SLC7A1: variants seen among roughly 807,000 people sequenced by gnomAD.
The protein encoded by SLC7A1 is solute carrier family 7 member 1, also known as high affinity cationic amino acid transporter 1.
A neutral mutation model predicts 53.9 loss-of-function variants in SLC7A1; 10 were observed. The observed-to-expected ratio is 0.19, with a 90% confidence interval of 0.11 to 0.31. The LOEUF (loss-of-function observed/expected upper bound fraction) is 0.31. Among genes scored for constraint, SLC7A1 ranks in the 10% least tolerant of loss-of-function variants. SLC7A1 has a pLI of 1.00. For synonymous variants in SLC7A1, 342 were observed against 338.7 expected, an observed-to-expected ratio of 1.01 and a Z score of -0.11; for missense variants, 525 against 827.2, an observed-to-expected ratio of 0.63 and a Z score of 4.48.
rs1053485952 is a variant in SLC7A1, at chr13:29,523,205, T to C, written c.1049+61A>G. On this transcript the variant is annotated intron_variant, in intron 7 of 12. Coordinates refer to ENST00000380752, the MANE Select transcript of SLC7A1 (RefSeq NM_003045.5). Reference sequence around the variant, plus strand: ...TCGCATGGCTGTACCTGGCCTGCTATAGCCTAACCCCTGCTGGTGGTTCCA... The same window carrying C: ...TCGCATGGCTGTACCTGGCCTGCTACAGCCTAACCCCTGCTGGTGGTTCCA... The C allele has an allele frequency of 3.1e-5, 43 of 1,408,288 alleles. No individual in the cohort carries two copies. In the South Asian group the frequency reaches 4.4e-4, roughly 14 times the overall value. 87.2% of individuals were successfully genotyped at this position (1,408,288 alleles called of 1,614,324 possible). A position where few individuals can be genotyped will look rare whatever the true frequency, so the allele number is the denominator to read the frequency against.
At chr13:29,590,984 C>T (rs916528990) in intron 1 of SLC7A1, among the ~76,000 whole-genome samples, 2 of 152,034 alleles carry the variant, frequency 1.3e-5, no homozygotes, top group Non-Finnish European at 2.9e-5. Context: ...GTGGTACACA[C>T]CTATGGTTCC....
intron 1 of SLC7A1, among the ~76,000 whole-genome samples, chr13:29,561,177 G>A (rs542845467): frequency 2.6e-5 from 4 of 152,054 alleles, no homozygotes; most frequent in Admixed American, 1.3e-4. Context: ...AACTAAGAAC[G>A]GACCAAACAC....
chr13:29,535,633 C>T (rs2776963), intron 3 of SLC7A1, among the ~76,000 whole-genome samples, 186 bp downstream of exon 3: 112,329 of 151,952 alleles, frequency 0.74, 42,886 homozygotes, highest in Non-Finnish European at 0.85. Flanking sequence ...GATGCATTTA[C>T]TCTAGTAATT....
rs1868521182 is a variant in SLC7A1 at position 29,519,470 on chromosome 13, C to T, written c.1269G>A (p.Val423=). 2 of 1,613,130 alleles carry T rather than the reference C, an allele frequency of 1.2e-6. No individual in the cohort carries two copies. The highest frequency in any genetic ancestry group is 1.7e-6 in the Non-Finnish European group (2 of 1,179,146). The change falls in exon 9 of 13, where the codon GTG becomes GTA. Residue 423 remains valine, a synonymous_variant. Coordinates refer to ENST00000380752, the MANE Select transcript of SLC7A1 (RefSeq NM_003045.5). ...ACCGTAAGACCAACACACAGGCAGC[C>T]ACCAACGAGTAAGCCAGGAGAGTGC... is the stretch of plus-strand genomic sequence containing the variant. ...SIGTLLAYSL[V]AACVLVLRYQ...
chr13:29,576,293 T>TTAAAAAAAAAAAA (rs552407983), intron 1 of SLC7A1, among the ~76,000 whole-genome samples: 1 of 124,966 alleles, frequency 8.0e-6, no homozygotes, highest in African/African-American at 3.7e-5. Context: ...TCCTGTTTTT[T>TTAAAAAAAAAAAA]AAAAAAAAAA....
At chr13:29,573,361 T>A (rs1221780059) in intron 1 of SLC7A1, among the ~76,000 whole-genome samples, 1 of 151,966 alleles carries the variant, frequency 6.6e-6, no homozygotes, top group Non-Finnish European at 1.5e-5. Context: ...GGGAGTGAGA[T>A]CCCTGGGAGA....
chr13:29,535,212 A>G (rs1869350930), intron 3 of SLC7A1, among the ~76,000 whole-genome samples: 1 of 152,272 alleles, frequency 6.6e-6, no homozygotes, highest in East Asian at 1.9e-4. Flanking sequence ...AATGGAAACA[A>G]TCTGAACATC....
At chr13:29,570,364 T>A (rs1427639652) in intron 1 of SLC7A1, among the ~76,000 whole-genome samples, 1 of 152,204 alleles carries the variant, frequency 6.6e-6, no homozygotes, top group African/African-American at 2.4e-5. Flanking sequence ...TGATGAGGAA[T>A]CAGAAGCCCT....
chr13:29,545,268 C>A (rs1327155919), intron 2 of SLC7A1, among the ~76,000 whole-genome samples: 1 of 152,138 alleles, frequency 6.6e-6, no homozygotes, highest in Non-Finnish European at 1.5e-5. Flanking sequence ...CCTCTCCAAG[C>A]CCGTCTCCTC....
At chr13:29,562,540 A>G (rs999543547) in intron 1 of SLC7A1, among the ~76,000 whole-genome samples, 1 of 152,206 alleles carries the variant, frequency 6.6e-6, no homozygotes, top group Admixed American at 6.5e-5. Flanking sequence ...AAAAATCCCA[A>G]ATCCGAAATG....
chr13:29,562,722 C>T (rs569982810), intron 1 of SLC7A1, among the ~76,000 whole-genome samples: 1 of 152,332 alleles, frequency 6.6e-6, no homozygotes, highest in Non-Finnish European at 1.5e-5. Context: ...ATACCAGTTC[C>T]TGTCCAATCC....
At chr13:29,572,512 A>G (rs1055427049) in intron 1 of SLC7A1, among the ~76,000 whole-genome samples, 6 of 152,116 alleles carry the variant, frequency 3.9e-5, no homozygotes, top group Non-Finnish European at 8.8e-5. Flanking sequence ...AAGCAAGAAG[A>G]CCATGTGAGG....
chr13:29,583,214 C>T (rs1246297597), intron 1 of SLC7A1, among the ~76,000 whole-genome samples: 1 of 152,192 alleles, frequency 6.6e-6, no homozygotes, highest in Non-Finnish European at 1.5e-5. Flanking sequence ...AAAAGTGTGC[C>T]CCCACAGTTC....
intron 2 of SLC7A1, among the ~76,000 whole-genome samples, chr13:29,550,184 C>CA (rs1169461908): frequency 6.6e-6 from 1 of 152,178 alleles, no homozygotes; most frequent in Non-Finnish European, 1.5e-5. Flanking sequence ...AGGCAGCTCA[C>CA]AAAAAGCCAT....
chr13:29,564,095 G>C (rs543658311), intron 1 of SLC7A1, among the ~76,000 whole-genome samples: 1 of 152,312 alleles, frequency 6.6e-6, no homozygotes, highest in South Asian at 2.1e-4. Flanking sequence ...TGGGGAGAAA[G>C]AGGAAGGGAG....
chr13:29,593,462 G>T (rs779349317), intron 1 of SLC7A1, among the ~76,000 whole-genome samples: 1 of 152,180 alleles, frequency 6.6e-6, no homozygotes, highest in Non-Finnish European at 1.5e-5. Context: ...GTATCTCCAA[G>T]GTTAGAGGGA....
At chr13:29,570,857 C>CAA (rs11321368) in intron 1 of SLC7A1, among the ~76,000 whole-genome samples, 8 of 139,004 alleles carry the variant, frequency 5.8e-5, no homozygotes, top group African/African-American at 2.2e-4. Flanking sequence ...GACTTTGTCT[C>CAA]AAAAAAAAAA....
At chr13:29,536,640 AATTAAATT>A (rs1869433802) in intron 2 of SLC7A1, among the ~76,000 whole-genome samples, 1 of 150,522 alleles carries the variant, frequency 6.6e-6, no homozygotes, top group Non-Finnish European at 1.5e-5. Context: ...TTCATTACTA[AATTAAATT>A]ATTAAATTAT....
intron 3 of SLC7A1, among the ~76,000 whole-genome samples, chr13:29,534,809 AAAAAAAT>A (rs1869333633): frequency 6.6e-6 from 1 of 152,158 alleles, no homozygotes; most frequent in Non-Finnish European, 1.5e-5. Flanking sequence ...TTTGAGAAAA[AAAAAAAT>A]AAATGGCATG....
Sources: gnomAD v4.1 joint callset for allele counts (sites outside exome capture counted in the v4.1 genomes callset) on GRCh38, gnomAD v4.1.1 for gene constraint, MANE v1.5 for transcripts, NCBI Gene and HGNC (gene_info 2026-07-23, HGNC 2026-07-21) for gene names.